The following FNBP1 variants were observed in gnomAD, a reference collection of about 807,000 sequenced individuals.
FNBP1 encodes formin-binding protein 1.
A neutral mutation model predicts 90.6 loss-of-function variants in FNBP1; 26 were observed. The ratio of observed to expected loss-of-function variants is 0.29; its 90% confidence interval spans 0.21 to 0.40. The LOEUF is 0.40. Ranked by LOEUF, FNBP1 falls within the 10% of genes least tolerant of loss-of-function variation. The probability of loss-of-function intolerance (pLI) is 1.00; values close to 1 mark genes in which losing one functional copy is unlikely to be tolerated. For missense variants in FNBP1, 635 were observed against 768.0 expected, an observed-to-expected ratio of 0.83 and a Z score of 2.05; for synonymous variants, 260 against 265.2, an observed-to-expected ratio of 0.98 and a Z score of 0.19.
rs181107250 is a variant in FNBP1 at position 130,037,684 on chromosome 9, T to C, written c.24+5268A>G. Among the ~76,000 whole-genome samples, 778 of 152,248 alleles carry C rather than the reference T, an allele frequency of 5.1e-3. 3 individuals carry two copies. The highest frequency in any genetic ancestry group is 8.4e-3 in the Non-Finnish European group (572 of 68,022). Reference sequence around the variant, plus strand: ...TGTGTGTATTTGGGGGCAGAAAGGATATGGAAAATCTCTGTACCTTCTCAA... The same window carrying C: ...TGTGTGTATTTGGGGGCAGAAAGGACATGGAAAATCTCTGTACCTTCTCAA... On this transcript the variant is annotated intron_variant, in intron 1 of 16. Transcript: ENST00000446176.
chr9:130,050,708 T>C, the FNBP1 span, among the ~76,000 whole-genome samples: 1 of 151,336 alleles, frequency 6.6e-6, no homozygotes, highest in African/African-American at 2.4e-5. Context: ...AAAAGTGTCA[T>C]GGCTTACTCC....
At chr9:129,930,563 T>C (rs1416791348) in intron 6 of FNBP1, among the ~76,000 whole-genome samples, 2 of 152,224 alleles carry the variant, frequency 1.3e-5, no homozygotes, top group Admixed American at 1.3e-4. Flanking sequence ...TTTTACTGCA[T>C]TGCTTTTCTC....
rs1462780396 is a variant in FNBP1 at position 129,890,598 on chromosome 9, G to A, written c.1847-52C>T. On this transcript the variant is annotated intron_variant, in intron 16 of 16. Transcript: ENST00000446176. This position sits in a 1 kb window ranked among gnomAD's most constrained non-coding sequence, Gnocchi z 5.8. ...GAAACTCTCTGTTAGAGAGGAAGGC[G>A]CGGGTTCCAGGCGGGCATTTTGCTC... 4 of 1,534,018 alleles carry A rather than the reference G, an allele frequency of 2.6e-6. No homozygotes were observed. The highest frequency in any genetic ancestry group is 2.4e-5 in the East Asian group (1 of 41,204).
At chr9:129,906,677 C>G (rs550158168) in intron 12 of FNBP1, among the ~76,000 whole-genome samples, 1 of 152,294 alleles carries the variant, frequency 6.6e-6, no homozygotes, top group South Asian at 2.1e-4. Flanking sequence ...TCTTTATTAG[C>G]AGCATGAGAA....
chr9:129,961,771 A>T (rs760390594), intron 4 of FNBP1, among the ~76,000 whole-genome samples: 22 of 152,076 alleles, frequency 1.4e-4, no homozygotes, highest in Admixed American at 2.0e-4. Context: ...TTTTTAGTAG[A>T]GACAGGGTTT....
the FNBP1 span, chr9:130,053,383 C>A: frequency 2.7e-4 from 42 of 154,112 alleles, 1 homozygote; most frequent in South Asian, 1.6e-3. Flanking sequence ...TTAAATACAA[C>A]AAAAGGCCTA....
intron 6 of FNBP1, among the ~76,000 whole-genome samples, chr9:129,938,905 C>G (rs1174468449): frequency 6.6e-6 from 1 of 152,118 alleles, no homozygotes; most frequent in Non-Finnish European, 1.5e-5. Context: ...ACTTGGCCCC[C>G]CTTTCCCCCC....
intron 16 of FNBP1, 134 bp downstream of exon 16, chr9:129,895,704 A>G (rs1438193771): frequency 7.3e-7 from 1 of 1,368,100 alleles, no homozygotes; most frequent in African/African-American, 1.5e-5. Flanking sequence ...GTGAGACTAC[A>G]GGAGAACGTG....
intron 11 of FNBP1, among the ~76,000 whole-genome samples, chr9:129,913,350 A>T (rs1025363014): frequency 6.6e-6 from 1 of 152,178 alleles, no homozygotes; most frequent in Non-Finnish European, 1.5e-5. Context: ...TAACTTATAA[A>T]TAGATAAGAA....
chr9:129,923,177 T>C (rs542598127), intron 10 of FNBP1, among the ~76,000 whole-genome samples: 2 of 152,172 alleles, frequency 1.3e-5, no homozygotes, highest in African/African-American at 4.8e-5. Context: ...GTCGCTAGTT[T>C]TAGAAATGAA....
chr9:129,946,597 A>T (rs2045328986), intron 6 of FNBP1, among the ~76,000 whole-genome samples: 1 of 152,242 alleles, frequency 6.6e-6, no homozygotes, highest in African/African-American at 2.4e-5. Context: ...TCATAAATTG[A>T]GACTCTAGCA....
chr9:129,927,072 T>C (rs2042030361), intron 8 of FNBP1, 123 bp downstream of exon 8: 4 of 916,328 alleles, frequency 4.4e-6, no homozygotes, highest in African/African-American at 1.6e-5. Flanking sequence ...ACACAGAGCA[T>C]GTGTGACCAC....
intron 16 of FNBP1, among the ~76,000 whole-genome samples, chr9:129,893,422 G>C (rs2035300142): frequency 6.8e-6 from 1 of 146,264 alleles, no homozygotes; most frequent in Admixed American, 6.9e-5. Flanking sequence ...GGCCAACATG[G>C]TGAAAACCTG....
intron 12 of FNBP1, among the ~76,000 whole-genome samples, chr9:129,903,438 A>T (rs1315449752): frequency 6.6e-6 from 1 of 152,158 alleles, no homozygotes; most frequent in Non-Finnish European, 1.5e-5. Flanking sequence ...TGGATAAGGG[A>T]CTATTGGGCC....
At chr9:130,053,178 A>T in the FNBP1 span, among the ~76,000 whole-genome samples, 137 of 152,324 alleles carry the variant, frequency 9.0e-4, no homozygotes, top group African/African-American at 3.2e-3. Flanking sequence ...CAGAATTAAG[A>T]GAAAAATGTT....
chr9:129,970,052 C>T (rs1360131909), intron 4 of FNBP1, among the ~76,000 whole-genome samples: 1 of 150,470 alleles, frequency 6.6e-6, no homozygotes, highest in African/African-American at 2.4e-5. Flanking sequence ...CCACGCCTGG[C>T]TAAGTTTTTG....
chr9:129,984,552 C>A (rs1022457414), intron 2 of FNBP1, among the ~76,000 whole-genome samples: 1 of 152,254 alleles, frequency 6.6e-6, no homozygotes, highest in East Asian at 1.9e-4. Flanking sequence ...GGGCTCACCC[C>A]CCGGAGGTCC....
chr9:129,921,323 C>A (rs1014264056), intron 10 of FNBP1, among the ~76,000 whole-genome samples: 2 of 151,132 alleles, frequency 1.3e-5, no homozygotes, highest in African/African-American at 4.9e-5. Flanking sequence ...TGGGCTCCAG[C>A]AATCCTCTCA....
At chr9:129,916,182 A>T in intron 10 of FNBP1, 2 of 581,306 alleles carry the variant, frequency 3.4e-6, no homozygotes, top group South Asian at 2.1e-5. Flanking sequence ...GCTCCCTAAT[A>T]ACATTTTTCT....
Sources: allele counts gnomAD v4.1 joint callset (sites outside exome capture counted in the v4.1 genomes callset), GRCh38; gene constraint gnomAD v4.1.1; non-coding constraint Gnocchi (gnomAD v3.1); transcripts MANE v1.5; gene names NCBI Gene and HGNC (gene_info 2026-07-23, HGNC 2026-07-21).